ELMO1: variants seen among roughly 807,000 people sequenced by gnomAD.
The protein encoded by ELMO1 is engulfment and cell motility 1.
In ELMO1, 26 loss-of-function variants were observed where a neutral mutation model predicts 98.9. That is an observed-to-expected ratio of 0.26 (90% CI 0.19 to 0.36). The LOEUF (loss-of-function observed/expected upper bound fraction) is 0.36. ELMO1 is among the 10% of genes least tolerant of loss of function. The pLI is 1.00. For missense variants in ELMO1, 627 were observed against 935.2 expected, an observed-to-expected ratio of 0.67 and a Z score of 4.30; for synonymous variants, 346 against 346.0, an observed-to-expected ratio of 1.00 and a Z score of 0.00.
chr7:37,329,030 T>C (rs1331497650), intron 2 of ELMO1, among the ~76,000 whole-genome samples: 11 of 152,258 alleles, frequency 7.2e-5, no homozygotes, highest in Admixed American at 7.2e-4. Flanking sequence ...CTCTCAAAGC[T>C]GTCCTCTTTA....
chr7:36,931,046 T>G (rs1785996681), intron 16 of ELMO1, among the ~76,000 whole-genome samples: 2 of 152,214 alleles, frequency 1.3e-5, no homozygotes, highest in Non-Finnish European at 2.9e-5. Flanking sequence ...AGAAATGTAG[T>G]CTAAAATAAT....
At chr7:37,080,918 C>A (rs1329865961) in intron 15 of ELMO1, among the ~76,000 whole-genome samples, 1 of 152,110 alleles carries the variant, frequency 6.6e-6, no homozygotes, top group South Asian at 2.1e-4. Flanking sequence ...TGGCCCACTT[C>A]CTCACTTCAT....
intron 7 of ELMO1, among the ~76,000 whole-genome samples, chr7:37,242,406 C>T (rs1372399516): frequency 6.6e-6 from 1 of 152,182 alleles, no homozygotes; most frequent in East Asian, 1.9e-4. Flanking sequence ...AAAAAACCTT[C>T]ATCTGCTAAT....
At chr7:37,363,482 C>T (rs1015117356) in intron 1 of ELMO1, among the ~76,000 whole-genome samples, 8 of 152,138 alleles carry the variant, frequency 5.3e-5, no homozygotes, top group Admixed American at 6.5e-5. Context: ...CCTCATCCCG[C>T]GCATCCATCC....
At chr7:37,096,315 A>G (rs1027069467) in intron 15 of ELMO1, among the ~76,000 whole-genome samples, 9 of 148,382 alleles carry the variant, frequency 6.1e-5, no homozygotes, top group African/African-American at 1.8e-4. Flanking sequence ...AAATCCATAG[A>G]TTTTTTTTTC....
intron 2 of ELMO1, among the ~76,000 whole-genome samples, chr7:37,324,997 A>G (rs777385274): frequency 1.4e-4 from 21 of 152,186 alleles, no homozygotes; most frequent in Non-Finnish European, 2.4e-4. Flanking sequence ...AATTGAGATA[A>G]TGGTGTAAAA....
intron 2 of ELMO1, among the ~76,000 whole-genome samples, chr7:37,338,245 C>G (rs760889862): frequency 2.0e-5 from 3 of 152,212 alleles, no homozygotes; most frequent in Non-Finnish European, 4.4e-5. Context: ...TCAAGGCTAA[C>G]TGAGCCTTTC....
chr7:37,025,904 T>C (rs1794545101), intron 15 of ELMO1, among the ~76,000 whole-genome samples: 1 of 146,920 alleles, frequency 6.8e-6, no homozygotes, highest in Non-Finnish European at 1.5e-5. Flanking sequence ...ATTCTATCTA[T>C]CTATCTATCT....
At chr7:37,319,763 T>G (rs372047183) in intron 2 of ELMO1, among the ~76,000 whole-genome samples, 1 of 152,300 alleles carries the variant, frequency 6.6e-6, no homozygotes, top group African/African-American at 2.4e-5. Flanking sequence ...TCATCACTAC[T>G]TCTTCCACAA....
chr7:37,199,361 C>G (rs1792155432), intron 13 of ELMO1, among the ~76,000 whole-genome samples: 1 of 152,144 alleles, frequency 6.6e-6, no homozygotes, highest in African/African-American at 2.4e-5. Context: ...CATCTGTAAT[C>G]CCAGCATTTT....
chr7:37,022,089 C>T (rs1178940390), intron 15 of ELMO1, among the ~76,000 whole-genome samples: 1 of 152,178 alleles, frequency 6.6e-6, no homozygotes, highest in Non-Finnish European at 1.5e-5. Context: ...TACCTCATAC[C>T]ATCTGCAAAG....
intron 1 of ELMO1, among the ~76,000 whole-genome samples, chr7:37,403,177 A>G (rs1379550298): frequency 6.6e-6 from 1 of 152,250 alleles, no homozygotes; most frequent in Non-Finnish European, 1.5e-5. Context: ...TTTCTAAGTG[A>G]AGGAAGCCAG....
intron 1 of ELMO1, among the ~76,000 whole-genome samples, chr7:37,369,128 C>T (rs1802014406): frequency 6.6e-6 from 1 of 152,100 alleles, no homozygotes; most frequent in Non-Finnish European, 1.5e-5. Flanking sequence ...AAGATGTCAA[C>T]AAGGTTATGT....
At chr7:37,029,101 C>T (rs1038656263) in intron 15 of ELMO1, among the ~76,000 whole-genome samples, 2 of 152,112 alleles carry the variant, frequency 1.3e-5, no homozygotes, top group South Asian at 2.1e-4. Flanking sequence ...CAGAGCCAGA[C>T]GTACGTGCAG....
At chr7:37,046,503 C>T (rs1481490538) in intron 15 of ELMO1, among the ~76,000 whole-genome samples, 1 of 152,114 alleles carries the variant, frequency 6.6e-6, no homozygotes, top group African/African-American at 2.4e-5. Flanking sequence ...AAGAAAGAAC[C>T]CCAGTATGCT....
intron 17 of ELMO1, among the ~76,000 whole-genome samples, chr7:36,892,683 T>C (rs1805663890): frequency 6.6e-6 from 1 of 152,228 alleles, no homozygotes; most frequent in Non-Finnish European, 1.5e-5. Flanking sequence ...TGAATTCCTG[T>C]CTAGTAGATC....
chr7:37,440,945 A>G (rs892780593), intron 1 of ELMO1, among the ~76,000 whole-genome samples: 1 of 152,044 alleles, frequency 6.6e-6, no homozygotes, highest in African/African-American at 2.4e-5. Flanking sequence ...ATGCTTTCTG[A>G]GGGCCAAGGG....
intron 1 of ELMO1, among the ~76,000 whole-genome samples, chr7:37,383,265 T>C (rs1802650291): frequency 6.6e-6 from 1 of 152,262 alleles, no homozygotes; most frequent in African/African-American, 2.4e-5. Flanking sequence ...TAGTTTGGGA[T>C]AGTTCTTCAT....
At chr7:36,992,054 G>C (rs567642414) in intron 16 of ELMO1, among the ~76,000 whole-genome samples, 4 of 152,150 alleles carry the variant, frequency 2.6e-5, no homozygotes, top group Non-Finnish European at 5.9e-5. Context: ...TAAAATATGA[G>C]TCATTAATAT....
Sources: gnomAD v4.1 joint callset for allele counts (sites outside exome capture counted in the v4.1 genomes callset) on GRCh38, gnomAD v4.1.1 for gene constraint, MANE v1.5 for transcripts, NCBI Gene and HGNC (gene_info 2026-07-23, HGNC 2026-07-21) for gene names.